Variants in INTS1 observed in about 807,000 individuals in gnomAD.
INTS1 encodes the protein integrator complex subunit 1.
INTS1 carries 137 observed loss-of-function variants against 241.6 expected under a neutral mutation model. The observed-to-expected ratio is 0.57, with a 90% CI of 0.49 to 0.65. INTS1 has a LOEUF of 0.65. Ranked by LOEUF, INTS1 falls within the 30% of genes least tolerant of loss-of-function variation. The pLI, the probability that INTS1 is intolerant of heterozygous loss-of-function variation, is 0.00. For missense variants in INTS1, 3,073 were observed against 3,032.2 expected (o/e 1.01, Z -0.32); for synonymous variants, 1,692 against 1,337.8 (o/e 1.26, Z -5.78).
rs572493723 is a variant in INTS1, at chr7:1,502,248, G to A, written c.349+653C>T. On this transcript the variant is annotated intron_variant, in intron 3 of 47. Transcript: ENST00000404767. Reference sequence around the variant, plus strand: ...GAAACAAAACACTGCAGACCATGAGGCTTGCTGGGGCTGGTGCGATAGCTG... The same window carrying A: ...GAAACAAAACACTGCAGACCATGAGACTTGCTGGGGCTGGTGCGATAGCTG... Among the ~76,000 whole-genome samples, 26 of 152,206 alleles carry A rather than the reference G, an allele frequency of 1.7e-4. No homozygotes were observed. The East Asian group carries it at 4.6e-3, about 27-fold the overall frequency.
chr7:1,476,660 G>C lies in INTS1; in HGVS notation c.5064-3C>G. On this transcript the variant is annotated splice_region_variant and splice_polypyrimidine_tract_variant and intron_variant, in intron 36 of 47. Coordinates refer to ENST00000404767, the MANE Select transcript of INTS1 (RefSeq NM_001080453.3). The stretch of plus-strand genomic sequence containing the variant: ...CCAGAGAGGCAGAGGGGTCGAACCT[G>C]TGGGGAGGCAAAGGTTCCAGAGCAC... 1 of 1,612,624 alleles carries C rather than the reference G, an allele frequency of 6.2e-7. No homozygotes were observed. The highest frequency in any genetic ancestry group is 1.1e-5 in the South Asian group (1 of 91,086).
chr7:1,475,827 A>C, intron 39 of INTS1, 121 bp downstream of exon 39: 4 of 1,268,518 alleles, frequency 3.2e-6, no homozygotes, highest in Non-Finnish European at 4.3e-6. Context: ...GGCGGCGCGG[A>C]CTGGGAAGGG....
chr7:1,474,558 C>T (rs552274314), intron 40 of INTS1, 147 bp downstream of exon 40: 18 of 1,266,168 alleles, frequency 1.4e-5, no homozygotes, highest in Middle Eastern at 2.8e-4. Context: ...CCAGCTCAGT[C>T]CTGACTTCCC....
chr7:1,478,351 G>A lies in INTS1; in HGVS notation c.4630+15C>T. 2.5e-6 allele frequency: 4 copies of A among 1,610,980 alleles called. No homozygotes were observed. The highest frequency in any genetic ancestry group is 3.4e-6 in the Non-Finnish European group (4 of 1,178,490). On this transcript the variant is annotated intron_variant, in intron 33 of 47. Transcript: ENST00000404767. ...AGGGCCGCCGTGGCCCAAGAGGATG[G>A]TGCCAGGAAGGTACCTTTGCTGATC... is the stretch of plus-strand genomic sequence containing the variant.
At position 1,497,758 on chromosome 7, in the gene INTS1, C is replaced by T. The variant is rs531690905; in HGVS notation, c.1426-444G>A. Among the ~76,000 whole-genome samples the T allele has an allele frequency of 6.6e-6, 1 of 152,254 alleles. No individual in the cohort carries two copies. On this transcript the variant is annotated intron_variant, in intron 10 of 47. Transcript: ENST00000404767. This position sits in a 1 kb window ranked among gnomAD's most constrained non-coding sequence, Gnocchi z 5.3. The stretch of plus-strand genomic sequence containing the variant: ...GAACGCGGAGCTGAGAGCGGCTGTG[C>T]CTCCCTCGTGTTTCACACTCCATAG...
intron 45 of INTS1, 105 bp from the exon 46 acceptor site, chr7:1,471,329 T>C (rs2128531249): frequency 8.3e-7 from 1 of 1,206,272 alleles, no homozygotes; most frequent in South Asian, 1.4e-5. Flanking sequence ...GCAGGGACCC[T>C]AGGCCCCTAT....
At chr7:1,482,988 G>A (rs370393495) in intron 26 of INTS1, 43 of 414,682 alleles carry the variant, frequency 1.0e-4, no homozygotes, top group East Asian at 8.7e-4. Context: ...CCCTGCCCTC[G>A]GGGCTTTGCT....
Position 1,503,217 on chromosome 7 carries a change from G to A in INTS1, c.59-26C>T, listed in dbSNP as rs751356443. 6 of 1,515,558 alleles carry A rather than the reference G, an allele frequency of 4.0e-6. No individual in the cohort carries two copies. The South Asian group carries it at 6.6e-5, about 17-fold the overall frequency. The allele number at this position is 1,515,558 out of a possible 1,614,324, so 93.9% of individuals were successfully genotyped here. ...CTGCAGAGAAAGGAGAGAGAAAACC[G>A]GGCACATTTGCAACACCCAAGATGG... On this transcript the variant is annotated intron_variant, in intron 2 of 47. Coordinates refer to ENST00000404767, the MANE Select transcript of INTS1 (RefSeq NM_001080453.3).
chr7:1,477,169 G>A (rs1007128688), intron 35 of INTS1, among the ~76,000 whole-genome samples: 6 of 152,224 alleles, frequency 3.9e-5, no homozygotes, highest in African/African-American at 9.7e-5. Context: ...TGGTGAGGCC[G>A]TCCCTCCCTG....
intron 30 of INTS1, among the ~76,000 whole-genome samples, 178 bp downstream of exon 30, chr7:1,480,139 C>G (rs543061201): frequency 2.0e-5 from 3 of 152,260 alleles, no homozygotes; most frequent in Non-Finnish European, 4.4e-5. Flanking sequence ...GGGGGTGTTA[C>G]GTGAAAGCAG....
intron 45 of INTS1, 48 bp from the exon 46 acceptor site, chr7:1,471,272 C>G: frequency 6.6e-7 from 1 of 1,520,196 alleles, no homozygotes; most frequent in Non-Finnish European, 8.9e-7. Context: ...GTCCAGCCCC[C>G]ATCAAGGCCC....
At chr7:1,473,752 T>C (rs1044533833) in intron 41 of INTS1, 59 bp from the exon 42 acceptor site, 10 of 1,601,478 alleles carry the variant, frequency 6.2e-6, no homozygotes, top group Non-Finnish European at 8.5e-6. Flanking sequence ...AAACAGAGCC[T>C]GTGCTCCCAT....
intron 5 of INTS1, 93 bp from the exon 6 acceptor site, chr7:1,499,725 G>A (rs1243191383): frequency 6.7e-7 from 1 of 1,486,934 alleles, no homozygotes; most frequent in Non-Finnish European, 9.0e-7. Context: ...GGGTGCCCAG[G>A]CGGCCCTCTC....
In INTS1 at chr7:1,497,294, C is replaced by T; in HGVS notation, c.1446G>A (p.Gln482=). The part of the protein sequence containing the change: ...LAPKFLAMVF[Q]DLLTNKDDYL... Reference sequence around the variant, plus strand: ...AGTCGTCCTTGTTGGTCAGCAGGTCCTGGAACACCATGGCCAGGAACTGGG... The same window carrying T: ...AGTCGTCCTTGTTGGTCAGCAGGTCTTGGAACACCATGGCCAGGAACTGGG... The change falls in exon 11 of 48, where the codon CAG becomes CAA. Residue 482 remains glutamine (Q), a synonymous_variant. Transcript: ENST00000404767. The surrounding 1 kb of genome is among the most constrained non-coding windows in gnomAD (Gnocchi z 5.3). 6.2e-7 allele frequency: 1 copy of T among 1,612,996 alleles called. No homozygotes were observed. Among genetic ancestry groups the T allele is most frequent in the Non-Finnish European group, 8.5e-7 (1 of 1,179,556 alleles).
intron 31 of INTS1, 127 bp downstream of exon 31, chr7:1,479,303 G>A: frequency 8.6e-7 from 1 of 1,156,996 alleles, no homozygotes; most frequent in South Asian, 1.6e-5. Context: ...CTGGGGCACT[G>A]TCCTTTCTCA....
intron 43 of INTS1, 25 bp downstream of exon 43, chr7:1,473,047 A>AGCAGCCCCTG (rs748560925): frequency 1.3e-6 from 2 of 1,508,290 alleles, no homozygotes; most frequent in Non-Finnish European, 9.1e-7. Flanking sequence ...AGCTGCTTCC[A>AGCAGCCCCTG]GCAGCCCCTG....
chr7:1,491,812 C>T (rs1362871866), intron 16 of INTS1, among the ~76,000 whole-genome samples: 2 of 152,192 alleles, frequency 1.3e-5, no homozygotes, highest in African/African-American at 2.4e-5. Context: ...GCGGGAGGAC[C>T]GCTTGAGCCA....
At chr7:1,478,253 G>T in intron 33 of INTS1, 113 bp downstream of exon 33, 1 of 1,229,104 alleles carries the variant, frequency 8.1e-7, no homozygotes, top group Non-Finnish European at 1.1e-6. Context: ...GGCACTTTCC[G>T]GGGACAGTGC....
intron 22 of INTS1, among the ~76,000 whole-genome samples, chr7:1,486,366 C>T (rs970528264): frequency 1.3e-5 from 2 of 151,728 alleles, no homozygotes; most frequent in African/African-American, 4.8e-5. Flanking sequence ...TAGGTACAAG[C>T]GAGTCTCCTG....
Sources: gnomAD v4.1 joint callset for allele counts (sites outside exome capture counted in the v4.1 genomes callset) on GRCh38, gnomAD v4.1.1 for gene constraint, Gnocchi (gnomAD v3.1) non-coding constraint, MANE v1.5 for transcripts, NCBI Gene and HGNC (gene_info 2026-07-23, HGNC 2026-07-21) for gene names.